The following MTCL1 variants were observed in gnomAD, a reference collection of about 807,000 sequenced individuals.
MTCL1 encodes the protein microtubule crosslinking factor 1.
Under a neutral mutation model 141.4 loss-of-function variants are expected in MTCL1, and 79 were observed. The ratio of observed to expected loss-of-function variants is 0.56; its 90% CI spans 0.47 to 0.67. The LOEUF is 0.67. Among genes scored for constraint, MTCL1 ranks in the 30% least tolerant of loss-of-function variants. The probability of loss-of-function intolerance (pLI) is 0.00; values close to 1 mark genes in which losing one functional copy is unlikely to be tolerated. For missense variants in MTCL1, 2,177 were observed against 2,113.9 expected (o/e 1.03, Z -0.59); for synonymous variants, 914 against 875.8 (o/e 1.04, Z -0.77).
chr18:8,788,439 T>A lies in MTCL1; in HGVS notation c.1887+2348T>A, dbSNP rs200273915. Among the ~76,000 whole-genome samples, 7 of 152,332 alleles carry A rather than the reference T, an allele frequency of 4.6e-5. No individual in the cohort carries two copies. The East Asian group carries it at 1.4e-3, about 29-fold the overall frequency. Reference sequence around the variant, plus strand: ...CAAATTTAAGCAGAAAAAGGATTTGTTCCTCAAGCTGCACTTACAAAATGC... The same window carrying A: ...CAAATTTAAGCAGAAAAAGGATTTGATCCTCAAGCTGCACTTACAAAATGC... On this transcript the variant is annotated intron_variant, in intron 7 of 16. Transcript: ENST00000359865.
At chr18:8,786,391 C>T in intron 7 of MTCL1, 1 of 619,014 alleles carries the variant, frequency 1.6e-6, no homozygotes, top group Non-Finnish European at 3.0e-6. Flanking sequence ...GGTGAGTGCG[C>T]AGTGGCTTCT....
Position 8,728,966 on chromosome 18 carries a change from C to G in MTCL1, c.357+8470C>G, listed in dbSNP as rs147325955. Among the ~76,000 whole-genome samples the G allele has an allele frequency of 4.0e-3, 603 of 151,924 alleles. 3 individuals carry two copies. The highest frequency in any genetic ancestry group is 0.014 in the African/African-American group (581 of 41,410). On this transcript the variant is annotated intron_variant, in intron 4 of 16. Transcript: ENST00000359865. ...GGCCAGGCTGGTCTCAAACTCCTGA[C>G]CTCAGGTGATCCACCCACCTCAGCC...
chr18:8,721,336 C>G (rs1439472882), intron 4 of MTCL1, among the ~76,000 whole-genome samples: 2 of 152,232 alleles, frequency 1.3e-5, no homozygotes, highest in African/African-American at 4.8e-5. Flanking sequence ...CATGCCCCCT[C>G]CCATCTGCTG....
chr18:8,826,493 TC>T (rs201820809), intron 15 of MTCL1, among the ~76,000 whole-genome samples: 1 of 5,232 alleles, frequency 1.9e-4, no homozygotes, highest in East Asian at 0.17. Flanking sequence ...CTGTCACCAG[TC>T]TTAAGTGATT....
intron 4 of MTCL1, among the ~76,000 whole-genome samples, chr18:8,759,583 CA>C (rs1394411109): frequency 6.6e-6 from 1 of 152,076 alleles, no homozygotes; most frequent in Non-Finnish European, 1.5e-5. Flanking sequence ...TGTCACAACC[CA>C]AAAACAATCT....
intron 1 of MTCL1, among the ~76,000 whole-genome samples, chr18:8,708,090 G>A (rs1017397977): frequency 6.6e-6 from 1 of 152,170 alleles, no homozygotes; most frequent in Non-Finnish European, 1.5e-5. Context: ...ACTATGTTGT[G>A]GGTGACTCCA....
chr18:8,710,457 C>CTTTTTTTT (rs59830434), intron 1 of MTCL1, among the ~76,000 whole-genome samples: 1 of 121,818 alleles, frequency 8.2e-6, no homozygotes, highest in Non-Finnish European at 1.7e-5. Context: ...CAGGCACTTT[C>CTTTTTTTT]TTTTTTTTTT....
chr18:8,798,771 G>C (rs1029211705), intron 10 of MTCL1, among the ~76,000 whole-genome samples: 2 of 152,178 alleles, frequency 1.3e-5, no homozygotes, highest in Admixed American at 6.5e-5. Context: ...TGTATAAAGA[G>C]AGGTGAGACT....
upstream of MTCL1, among the ~76,000 whole-genome samples, chr18:8,712,584 C>T (rs1408606347): frequency 6.6e-6 from 1 of 152,210 alleles, no homozygotes; most frequent in Non-Finnish European, 1.5e-5. Context: ...TCTTTCCTGA[C>T]ATTCGCTGTC....
chr18:8,785,924 T>C lies in MTCL1; in HGVS notation c.1732-12T>C. 1.9e-6 allele frequency: 3 copies of C among 1,570,122 alleles called. No individual in the cohort carries two copies. The highest frequency in any genetic ancestry group is 2.4e-5 in the South Asian group (2 of 85,048). ...GAACAACAACAACAAATTCCTCCCGTGCACCTAACAGTCCAGACTGAAAGA... is the reference window on the plus strand; with the variant it reads ...GAACAACAACAACAAATTCCTCCCGCGCACCTAACAGTCCAGACTGAAAGA... On this transcript the variant is annotated splice_polypyrimidine_tract_variant and intron_variant, in intron 6 of 16. Coordinates refer to ENST00000359865, the Ensembl canonical transcript of MTCL1.
At chr18:8,788,384 G>T (rs540871872) in intron 7 of MTCL1, among the ~76,000 whole-genome samples, 1 of 152,302 alleles carries the variant, frequency 6.6e-6, no homozygotes, top group East Asian at 1.9e-4. Context: ...AGCACACCTA[G>T]TATCAGCGAC....
intron 4 of MTCL1, among the ~76,000 whole-genome samples, chr18:8,746,020 T>C (rs192555314): frequency 6.6e-6 from 1 of 152,348 alleles, no homozygotes; most frequent in East Asian, 1.9e-4. Flanking sequence ...CTTATTTCGC[T>C]TAGCATAATG....
chr18:8,783,867 G>T lies in MTCL1; in HGVS notation c.755G>T (p.Gly252Val), dbSNP rs1287662310. 8 of 1,613,138 alleles carry T rather than the reference G, an allele frequency of 5.0e-6. No individual in the cohort carries two copies. In the East Asian group the frequency reaches 1.8e-4, roughly 36 times the overall value. The change falls in exon 6 of 17, where the codon GGT becomes GTT. Residue 252 changes from glycine (G) to valine (V), a missense_variant. By Grantham distance (109) the Gly-to-Val change is moderately radical. Coordinates refer to ENST00000359865, the Ensembl canonical transcript of MTCL1. The stretch of plus-strand genomic sequence containing the variant: ...GGCCAGCAGGAGCGGGAGGGCCCGG[G>T]TCGGGACCACGCACCCAGCATTCCT...
intron 4 of MTCL1, among the ~76,000 whole-genome samples, chr18:8,740,513 C>T (rs1004872620): frequency 1.2e-4 from 18 of 152,154 alleles, no homozygotes; most frequent in Admixed American, 1.0e-3. Context: ...GGCAGAGTCT[C>T]GCTCTGTCAC....
At chr18:8,798,040 G>A in intron 9 of MTCL1, 57 bp from the exon 9 acceptor site, 2 of 1,504,260 alleles carry the variant, frequency 1.3e-6, no homozygotes, top group Admixed American at 2.3e-5. Flanking sequence ...TGAAAATCAG[G>A]CTGTACAGCA....
At chr18:8,826,098 G>C (rs554181776) in exon 15 of MTCL1, 2 of 1,611,724 alleles carry the variant, frequency 1.2e-6, no homozygotes, top group East Asian at 4.5e-5. Context: ...CACTGAGAAC[G>C]TGGCCCGGAT....
In MTCL1 at chr18:8,824,908, C is replaced by A. The variant is rs145762591; in HGVS notation, c.3398C>A (p.Ala1133Asp). ...AATGGTGGGGGGCCGGACCTTTGGG[C>A]CGACAGGACCGAGGTGGGGCGGGCA... is the stretch of plus-strand genomic sequence containing the variant. The change falls in exon 15 of 17, where the codon GCC (alanine) becomes GAC (aspartate). Residue 1133 changes from alanine (A) to aspartate (D), a missense_variant. Transcript: ENST00000359865. 2.6e-4 allele frequency: 418 copies of A among 1,613,788 alleles called. No individual in the cohort carries two copies. In the African/African-American group the frequency reaches 5.0e-3, roughly 19 times the overall value.
At chr18:8,765,112 C>T (rs1219896066) in intron 4 of MTCL1, among the ~76,000 whole-genome samples, 3 of 152,176 alleles carry the variant, frequency 2.0e-5, no homozygotes, top group African/African-American at 2.4e-5. Flanking sequence ...CCCTGGCCTT[C>T]GCCTACCTGC....
At chr18:8,784,690 G>A (rs200157260) in exon 6 of MTCL1, 2 of 1,614,212 alleles carry the variant, frequency 1.2e-6, no homozygotes, top group Non-Finnish European at 1.7e-6. Flanking sequence ...AGAAAGAGCT[G>A]CAGGCCTTCC....
Sources: gnomAD v4.1 joint callset for allele counts (sites outside exome capture counted in the v4.1 genomes callset) on GRCh38, gnomAD v4.1.1 for gene constraint, MANE v1.5 for transcripts, NCBI Gene and HGNC (gene_info 2026-07-23, HGNC 2026-07-21) for gene names.